FAM184B: variants seen among roughly 807,000 people sequenced by gnomAD.
FAM184B encodes the protein protein FAM184B.
FAM184B carries 111 observed loss-of-function variants against 135.9 expected under a neutral mutation model. The observed-to-expected ratio is 0.82, with a 90% CI of 0.70 to 0.96. The LOEUF is 0.96. Ranked by LOEUF, FAM184B falls within the 40% of genes least tolerant of loss-of-function variation. FAM184B has a pLI of 0.00. For synonymous variants in FAM184B, 552 were observed against 524.8 expected (o/e 1.05, Z -0.71); for missense variants, 1,375 against 1,323.9 (o/e 1.04, Z -0.60).
chr4:17,672,238 G>A (rs150877791), intron 7 of FAM184B, among the ~76,000 whole-genome samples: 2 of 123,112 alleles, frequency 1.6e-5, no homozygotes, highest in African/African-American at 2.9e-5. Context: ...GAAGGGAATG[G>A]GATGATACAT....
Position 17,647,791 on chromosome 4 carries a change from T to C in FAM184B, c.2192A>G (p.Glu731Gly). The C allele has an allele frequency of 6.5e-7, 1 of 1,549,662 alleles. No homozygotes were observed. Among genetic ancestry groups the C allele is most frequent in the Non-Finnish European group, 8.7e-7 (1 of 1,146,476 alleles). The change falls in exon 12 of 18, where the codon GAG (glutamate) becomes GGG (glycine). Residue 731 changes from glutamate (E) to glycine (G), a missense_variant and splice_region_variant. Transcript: ENST00000265018. ...CTCCGACAGCTCCTGTCTGAGCGAC[T>C]CTGGAAAAGGGAGAGCAGCAGTGAG... ...RMQAQQALLLESLRQELSEQQ... is the reference protein window; with the variant it reads ...RMQAQQALLLGSLRQELSEQQ...
intron 2 of FAM184B, among the ~76,000 whole-genome samples, chr4:17,708,149 G>GGCTT (rs1717158348): frequency 1.3e-5 from 2 of 152,124 alleles, no homozygotes; most frequent in Non-Finnish European, 2.9e-5. Context: ...AACTAACAGG[G>GGCTT]GCTTTAGAAT....
chr4:17,647,946 TAAC>T (rs1399281354), intron 11 of FAM184B, among the ~76,000 whole-genome samples, 155 bp from the exon 12 acceptor site: 9 of 152,130 alleles, frequency 5.9e-5, no homozygotes, highest in Non-Finnish European at 8.8e-5. Context: ...AAGGTAACAG[TAAC>T]AACAGGGCCA....
In FAM184B at chr4:17,721,257, G is replaced by A. The variant is rs113154904; in HGVS notation, c.142-11613C>T. On this transcript the variant is annotated intron_variant, in intron 1 of 17. Transcript: ENST00000265018. The stretch of plus-strand genomic sequence containing the variant: ...AAATTAGCCAGGCGTAGTGGCGGAC[G>A]CCTGTAGTCCCAGCTACTCAGGAGG... 7.0e-3 allele frequency among the ~76,000 whole-genome samples: 1,057 copies of A among 151,722 alleles called. 15 individuals are homozygous for A. Among genetic ancestry groups the A allele is most frequent in the African/African-American group, 0.024 (984 of 41,380 alleles).
At chr4:17,754,437 G>T (rs1017776427) in intron 1 of FAM184B, among the ~76,000 whole-genome samples, 1 of 151,740 alleles carries the variant, frequency 6.6e-6, no homozygotes, top group East Asian at 1.9e-4. Flanking sequence ...TATAATCCCA[G>T]CTACTCAGGA....
intron 1 of FAM184B, among the ~76,000 whole-genome samples, chr4:17,742,195 AGGT>A (rs1718063477): frequency 6.8e-6 from 1 of 147,240 alleles, no homozygotes; most frequent in Non-Finnish European, 1.5e-5. Context: ...AGGCTGGCCA[AGGT>A]GGTTCATGTC....
chr4:17,709,501 T>C lies in FAM184B; in HGVS notation c.285A>G (p.Glu95=), dbSNP rs1468013070. Residue 95 remains glutamate, a synonymous_variant, in exon 2 of 18, where the codon GAA becomes GAG. Coordinates refer to ENST00000265018, the MANE Select transcript of FAM184B (RefSeq NM_015688.2). ...GGGCCTGGATGCGCTGTAGAAGGGC[T>C]TCCTCCTCTGCGCAGCCCTGTTCCT... ...LLQEQGCAEE[E]ALLQRIQALE... 4 of 1,550,606 alleles carry C rather than the reference T, an allele frequency of 2.6e-6. No homozygotes were observed. Among genetic ancestry groups the C allele is most frequent in the Non-Finnish European group, 3.5e-6 (4 of 1,146,606 alleles).
At chr4:17,765,039 G>A (rs1353823912) in intron 1 of FAM184B, among the ~76,000 whole-genome samples, 1 of 152,222 alleles carries the variant, frequency 6.6e-6, no homozygotes, top group Non-Finnish European at 1.5e-5. Context: ...GCACTCCTGG[G>A]CAACAGAGCA....
intron 1 of FAM184B, among the ~76,000 whole-genome samples, chr4:17,768,464 G>A (rs936447900): frequency 1.3e-5 from 2 of 152,274 alleles, no homozygotes; most frequent in South Asian, 2.1e-4. Flanking sequence ...TAGTAGAGAC[G>A]GGGTGTCACC....
intron 1 of FAM184B, among the ~76,000 whole-genome samples, chr4:17,738,519 T>G (rs1181477200): frequency 6.6e-6 from 1 of 152,100 alleles, no homozygotes; most frequent in Non-Finnish European, 1.5e-5. Context: ...ACAGTAATAT[T>G]CATAAGTATA....
chr4:17,747,819 G>A (rs1718201121), intron 1 of FAM184B, among the ~76,000 whole-genome samples: 2 of 149,678 alleles, frequency 1.3e-5, no homozygotes, highest in East Asian at 2.0e-4. Flanking sequence ...TACTCGGGAG[G>A]CTGAGGCAGG....
intron 1 of FAM184B, among the ~76,000 whole-genome samples, chr4:17,738,787 G>A (rs1717962944): frequency 6.6e-6 from 1 of 152,070 alleles, no homozygotes; most frequent in Non-Finnish European, 1.5e-5. Flanking sequence ...ACTTATGAAT[G>A]GATTAATACC....
chr4:17,706,182 A>C (rs1268292086), intron 3 of FAM184B, among the ~76,000 whole-genome samples: 1 of 152,264 alleles, frequency 6.6e-6, no homozygotes, highest in Non-Finnish European at 1.5e-5. Context: ...CATGTTTCAA[A>C]TATGTTCTTT....
rs186230470 is a variant in FAM184B, at chr4:17,630,467, G to T, written c.*2065C>A. The T allele has an allele frequency of 6.6e-6, 1 of 152,286 alleles. No homozygotes were observed. The highest frequency in any genetic ancestry group is 1.9e-4 in the East Asian group (1 of 5,172). 9.4% of individuals were successfully genotyped at this position (152,286 alleles called of 1,614,324 possible). On this transcript the variant is annotated 3_prime_UTR_variant, in exon 18 of 18. Transcript: ENST00000265018. ...CACGTAGCAGGCACCCATTTCTGAA[G>T]AATGGGCCCTCCCCAGACTCCATAT...
At chr4:17,658,087 C>T (rs762449332) in intron 10 of FAM184B, among the ~76,000 whole-genome samples, 16 of 152,174 alleles carry the variant, frequency 1.1e-4, no homozygotes, top group Non-Finnish European at 1.9e-4. Context: ...CCACCAAGGT[C>T]GCAAGCAGGT....
chr4:17,731,713 C>T (rs1199030222), intron 1 of FAM184B, among the ~76,000 whole-genome samples: 1 of 152,132 alleles, frequency 6.6e-6, no homozygotes, highest in African/African-American at 2.4e-5. Flanking sequence ...ACTTAGACTC[C>T]CACACAATAA....
At chr4:17,665,051 C>A (rs1716014410) in intron 7 of FAM184B, among the ~76,000 whole-genome samples, 1 of 152,166 alleles carries the variant, frequency 6.6e-6, no homozygotes. Context: ...TGGTATGGTT[C>A]CATGCATAAC....
chr4:17,765,715 C>T (rs754320389), intron 1 of FAM184B, among the ~76,000 whole-genome samples: 11 of 152,222 alleles, frequency 7.2e-5, no homozygotes, highest in East Asian at 1.9e-4. Flanking sequence ...GTAATGCGTC[C>T]GGAAATGGTG....
intron 1 of FAM184B, among the ~76,000 whole-genome samples, chr4:17,748,264 T>C (rs1267492035): frequency 6.6e-6 from 1 of 151,998 alleles, no homozygotes; most frequent in Non-Finnish European, 1.5e-5. Flanking sequence ...TATATTCCAG[T>C]ACATTTCCCA....
Sources: allele counts gnomAD v4.1 joint callset (sites outside exome capture counted in the v4.1 genomes callset), GRCh38; gene constraint gnomAD v4.1.1; transcripts MANE v1.5; gene names NCBI Gene and HGNC (gene_info 2026-07-23, HGNC 2026-07-21).